Variants in DOCK11 observed in about 807,000 individuals in gnomAD.
DOCK11 encodes the protein dedicator of cytokinesis 11.
Under a neutral mutation model 169.1 loss-of-function variants are expected in DOCK11, and 70 were observed. The observed-to-expected ratio is 0.41, with a 90% CI of 0.34 to 0.51. The LOEUF is 0.51. Ranked by LOEUF, DOCK11 falls within the 20% of genes least tolerant of loss-of-function variation. The pLI is 0.10. For missense variants in DOCK11, 1,166 were observed against 1,538.8 expected (o/e 0.76, Z 4.05); for synonymous variants, 529 against 541.3 (o/e 0.98, Z 0.32).
chrX:118,536,083 A>T (rs1195688508), intron 1 of DOCK11, among the ~76,000 whole-genome samples: 1 of 111,403 alleles, frequency 9.0e-6, no homozygotes, highest in Non-Finnish European at 1.9e-5. Flanking sequence ...GGATCACTTG[A>T]CCTCAGGAGT....
intron 1 of DOCK11, among the ~76,000 whole-genome samples, chrX:118,538,374 G>A (rs1019076062): frequency 1.8e-5 from 2 of 112,193 alleles, no homozygotes; most frequent in African/African-American, 6.5e-5. Flanking sequence ...CAAACAGAAT[G>A]CATATGAAAG....
At chrX:118,530,761 A>T (rs2011502800) in intron 1 of DOCK11, among the ~76,000 whole-genome samples, 1 of 111,650 alleles carries the variant, frequency 9.0e-6, no homozygotes, top group Non-Finnish European at 1.9e-5. Context: ...ACTCCATTGC[A>T]TCATAGCTCT....
chrX:118,593,238 C>G lies in DOCK11; in HGVS notation c.2164C>G (p.Leu722Val), dbSNP rs371818459. Residue 722 changes from leucine to valine, a missense_variant, in exon 20 of 53, where the codon CTA (leucine) becomes GTA (valine). Coordinates refer to ENST00000276202, the MANE Select transcript of DOCK11 (RefSeq NM_144658.4). Reference sequence around the variant, plus strand: ...GATTAAAATTGAGCTTCCCATTCACCTACATCAAAAACATCATTTGCTTTT... The same window carrying G: ...GATTAAAATTGAGCTTCCCATTCACGTACATCAAAAACATCATTTGCTTTT... Reference protein sequence around the residue: ...DEIKIELPIHLHQKHHLLFTF... With the variant: ...DEIKIELPIHVHQKHHLLFTF... The G allele has an allele frequency of 1.2e-5, 14 of 1,198,383 alleles. No homozygotes were observed. Among genetic ancestry groups the G allele is most frequent in the Non-Finnish European group, 1.5e-5 (13 of 889,772 alleles).
rs1051293197 is a variant in DOCK11 at position 118,608,298 on chromosome X, C to T, written c.2819C>T (p.Thr940Met). ...CTGATACATGAAACCCTGGCTACTACGATGATAGCAATATTGAAACAGTCT... is the reference window on the plus strand; with the variant it reads ...CTGATACATGAAACCCTGGCTACTATGATGATAGCAATATTGAAACAGTCT... ...AQLIHETLAT[T>M]MIAILKQSAD... The change falls in exon 26 of 53, where the codon ACG becomes ATG. Residue 940 changes from threonine to methionine, a missense_variant. Thr to Met is a moderately conservative substitution (Grantham distance 81). Coordinates refer to ENST00000276202, the MANE Select transcript of DOCK11 (RefSeq NM_144658.4). 6.6e-6 allele frequency: 8 copies of T among 1,208,746 alleles called. No individual in the cohort carries two copies. Among genetic ancestry groups the T allele is most frequent in the East Asian group, 5.9e-5 (2 of 33,790 alleles).
chrX:118,627,483 A>C, intron 32 of DOCK11, 21 bp from the exon 33 acceptor site: 2 of 1,135,309 alleles, frequency 1.8e-6, no homozygotes, highest in Non-Finnish European at 1.2e-6. Flanking sequence ...TAAATGACAC[A>C]GGTATCATAT....
intron 1 of DOCK11, among the ~76,000 whole-genome samples, chrX:118,540,896 A>G (rs1937177): frequency 0.37 from 41,417 of 110,523 alleles, 5,734 homozygotes; most frequent in East Asian, 0.52. Context: ...ATAAAATTTT[A>G]AGGAAATAAT....
intron 12 of DOCK11, among the ~76,000 whole-genome samples, chrX:118,574,493 C>G (rs1037837900): frequency 9.0e-6 from 1 of 111,285 alleles, no homozygotes; most frequent in Non-Finnish European, 1.9e-5. Context: ...CGCTTGAACC[C>G]AGGAGGTGGA....
intron 31 of DOCK11, among the ~76,000 whole-genome samples, chrX:118,619,596 T>C (rs1408213542): frequency 9.2e-6 from 1 of 109,095 alleles, no homozygotes; most frequent in Non-Finnish European, 1.9e-5. Context: ...ATTAAGAATT[T>C]TTAAAAAATT....
intron 12 of DOCK11, among the ~76,000 whole-genome samples, chrX:118,576,288 G>C (rs774023279): frequency 1.8e-5 from 2 of 111,402 alleles, no homozygotes; most frequent in Non-Finnish European, 3.8e-5. Context: ...TCGCCCTGGG[G>C]TGGGGAGGCA....
At chrX:118,685,620 A>G (rs1311546353) in intron 52 of DOCK11, 68 bp from the exon 53 acceptor site, 17 of 1,156,671 alleles carry the variant, frequency 1.5e-5, no homozygotes, top group Non-Finnish European at 1.9e-5. Context: ...GCAATTTCAT[A>G]TACACATTCT....
At chrX:118,638,680 T>C (rs2015451154) in intron 37 of DOCK11, among the ~76,000 whole-genome samples, 1 of 111,922 alleles carries the variant, frequency 8.9e-6, no homozygotes, top group South Asian at 3.7e-4. Context: ...AAAAACAGTT[T>C]TAAAAAATGT....
At chrX:118,552,189 A>G (rs2012521623) in intron 6 of DOCK11, among the ~76,000 whole-genome samples, 1 of 112,242 alleles carries the variant, frequency 8.9e-6, no homozygotes, top group African/African-American at 3.2e-5. Flanking sequence ...GAAGATTCCA[A>G]CTTTATAAGA....
intron 46 of DOCK11, among the ~76,000 whole-genome samples, chrX:118,671,371 T>G (rs1194550019): frequency 9.0e-6 from 1 of 111,356 alleles, no homozygotes; most frequent in African/African-American, 3.3e-5. Context: ...ATCCTGAGAT[T>G]TTTTAATGAT....
In DOCK11 at chrX:118,610,327, T is replaced by C. The variant is rs1361744903; in HGVS notation, c.3005T>C (p.Leu1002Pro). The C allele has an allele frequency of 2.1e-5, 25 of 1,209,408 alleles. No homozygotes were observed. Among genetic ancestry groups the C allele is most frequent in the Non-Finnish European group, 2.8e-5 (25 of 894,736 alleles). The change falls in exon 28 of 53, where the codon CTT becomes CCT. Residue 1002 changes from leucine to proline, a missense_variant. Physicochemically the swap from Leu to Pro is moderately conservative, Grantham distance 98 (BLOSUM62 -3). Transcript: ENST00000276202. ...TATCATCATGTCTTACATTCACTGC[T>C]TCTTGCAATAATTCCCCATGTGACT... ...ETYHHVLHSL[L>P]LAIIPHVTIR...
At chrX:118,521,679 C>T (rs1039944567) in intron 1 of DOCK11, among the ~76,000 whole-genome samples, 3 of 112,179 alleles carry the variant, frequency 2.7e-5, no homozygotes, top group African/African-American at 9.7e-5. Context: ...TACCCTGGAG[C>T]TCTTGCAAAA....
chrX:118,583,228 T>C lies in DOCK11; in HGVS notation c.1596-1507T>C, dbSNP rs1322876065. 2.7e-5 allele frequency among the ~76,000 whole-genome samples: 3 copies of C among 110,436 alleles called. No individual in the cohort carries two copies. The Admixed American group carries it at 2.9e-4, about 11-fold the overall frequency. On this transcript the variant is annotated intron_variant, in intron 14 of 52. Transcript: ENST00000276202. The stretch of plus-strand genomic sequence containing the variant: ...TCACTCATAGGTGGGAGTTGAACAA[T>C]GAGAATACATGGACATGGGGAAGGG...
At chrX:118,642,859 A>G (rs907909076) in intron 39 of DOCK11, among the ~76,000 whole-genome samples, 2 of 111,945 alleles carry the variant, frequency 1.8e-5, no homozygotes, top group African/African-American at 6.5e-5. Context: ...GATTAAAACA[A>G]AGTTGACAAA....
intron 23 of DOCK11, among the ~76,000 whole-genome samples, chrX:118,599,531 G>T (rs1162640619): frequency 8.9e-6 from 1 of 111,903 alleles, no homozygotes; most frequent in Non-Finnish European, 1.9e-5. Flanking sequence ...CCTGCTGACT[G>T]CCCAATAAAG....
intron 11 of DOCK11, among the ~76,000 whole-genome samples, chrX:118,573,567 A>C (rs2013347428): frequency 8.9e-6 from 1 of 112,324 alleles, no homozygotes; most frequent in African/African-American, 3.2e-5. Context: ...GGTAAACTTT[A>C]TAACTTGTGA....
Sources: allele counts gnomAD v4.1 joint callset (sites outside exome capture counted in the v4.1 genomes callset), GRCh38; gene constraint gnomAD v4.1.1; transcripts MANE v1.5; gene names NCBI Gene and HGNC (gene_info 2026-07-23, HGNC 2026-07-21).